Variants in ZCCHC10 observed in about 807,000 individuals in gnomAD.
ZCCHC10 encodes the protein zinc finger CCHC-type containing 10, also known as zinc finger CCHC domain-containing protein 10.
ZCCHC10 carries 16 observed loss-of-function variants against 19.5 expected under a neutral mutation model. The ratio of observed to expected loss-of-function variants is 0.82; its 90% confidence interval spans 0.56 to 1.25. The LOEUF (loss-of-function observed/expected upper bound fraction) is 1.25. Among genes scored for constraint, ZCCHC10 ranks in the 50% most tolerant of loss-of-function variants. The pLI is 0.00. For synonymous variants in ZCCHC10, 67 were observed against 72.5 expected (o/e 0.92, Z 0.38); for missense variants, 197 against 201.0 (o/e 0.98, Z 0.12).
chr5:133,021,162 C>T (rs1337472123), intron 2 of ZCCHC10, among the ~76,000 whole-genome samples: 2 of 152,118 alleles, frequency 1.3e-5, no homozygotes, highest in Admixed American at 1.3e-4. Flanking sequence ...TCCCAAAGTG[C>T]TGGATTACAG....
chr5:133,026,362 GC>G (rs1764712567), intron 1 of ZCCHC10, 134 bp downstream of exon 1: 6 of 1,279,052 alleles, frequency 4.7e-6, no homozygotes, highest in East Asian at 2.5e-5. Flanking sequence ...CCGGGCCCGA[GC>G]CCCCCGGGAG....
intron 2 of ZCCHC10, among the ~76,000 whole-genome samples, chr5:133,007,678 C>T (rs1374939563): frequency 1.3e-5 from 2 of 152,144 alleles, no homozygotes; most frequent in South Asian, 4.1e-4. Flanking sequence ...CCCAGACATG[C>T]TGAACTGTGA....
At chr5:133,021,899 T>C (rs1764337378) in intron 2 of ZCCHC10, among the ~76,000 whole-genome samples, 1 of 151,946 alleles carries the variant, frequency 6.6e-6, no homozygotes, top group African/African-American at 2.4e-5. Context: ...GTTATAGTGA[T>C]TCTCCTGCCT....
intron 3 of ZCCHC10, among the ~76,000 whole-genome samples, chr5:133,002,661 T>C (rs750456429): frequency 3.9e-5 from 6 of 152,158 alleles, no homozygotes; most frequent in East Asian, 1.9e-4. Flanking sequence ...TATAAAAAGT[T>C]CTACAATAAT....
intron 2 of ZCCHC10, among the ~76,000 whole-genome samples, chr5:133,012,136 C>G (rs1763584516): frequency 1.3e-5 from 1 of 74,878 alleles, no homozygotes; most frequent in Non-Finnish European, 2.4e-5. Flanking sequence ...GCCTCCATCT[C>G]AAAAAAAAAA....
intron 1 of ZCCHC10, among the ~76,000 whole-genome samples, chr5:133,026,073 G>A (rs1764683132): frequency 6.6e-6 from 1 of 152,228 alleles, no homozygotes; most frequent in South Asian, 2.1e-4. Context: ...GAAGGCGCTA[G>A]AATAAGGAAG....
chr5:133,022,813 G>A, intron 2 of ZCCHC10, 28 bp downstream of exon 2: 1 of 529,386 alleles, frequency 1.9e-6, no homozygotes, highest in South Asian at 2.7e-5. Context: ...TATCAAACCT[G>A]CAGTTGACAC....
At chr5:133,013,593 G>A (rs970632358) in intron 2 of ZCCHC10, among the ~76,000 whole-genome samples, 3 of 150,218 alleles carry the variant, frequency 2.0e-5, no homozygotes, top group African/African-American at 4.9e-5. Flanking sequence ...ATGGTGGTGC[G>A]CGCCTGTAGT....
intron 4 of ZCCHC10, among the ~76,000 whole-genome samples, chr5:132,999,229 G>A (rs980058652): frequency 6.6e-6 from 1 of 152,018 alleles, no homozygotes; most frequent in South Asian, 2.1e-4. Context: ...AGCCAAAAGC[G>A]ATTTCATATG....
chr5:133,018,688 G>A (rs538283093), intron 2 of ZCCHC10, among the ~76,000 whole-genome samples: 94 of 152,262 alleles, frequency 6.2e-4, no homozygotes, highest in African/African-American at 2.2e-3. Context: ...GATTACAGGC[G>A]TGAGCCACCA....
intron 2 of ZCCHC10, among the ~76,000 whole-genome samples, chr5:133,014,113 A>C (rs539433371): frequency 1.2e-3 from 183 of 151,868 alleles, no homozygotes; most frequent in Non-Finnish European, 2.1e-3. Context: ...TATATCAATC[A>C]AAATCAAGAA....
rs1224245762 is a variant in ZCCHC10 at position 133,006,830 on chromosome 5, A to C, written c.198T>G (p.His66Gln). 6 of 1,612,534 alleles carry C rather than the reference A, an allele frequency of 3.7e-6. No individual in the cohort carries two copies. Among genetic ancestry groups the C allele is most frequent in the Admixed American group, 1.7e-5 (1 of 59,928 alleles). Residue 66 changes from histidine (H) to glutamine (Q), a missense_variant, in exon 3 of 5, where the codon CAT becomes CAG. Physicochemically the swap from His to Gln is conservative, Grantham distance 24 (BLOSUM62 0). Coordinates refer to ENST00000509437, the MANE Select transcript of ZCCHC10 (RefSeq NM_001300816.3). Reference sequence around the variant, plus strand: ...TTAGTTCTGCTGTCCTTGAGGGCCTATGTAGGTATTTTCTTTTTCCTGTGC... The same window carrying C: ...TTAGTTCTGCTGTCCTTGAGGGCCTCTGTAGGTATTTTCTTTTTCCTGTGC... ...YECTGKRKYLHRPSRTAELKK... is the reference protein window; with the variant it reads ...YECTGKRKYLQRPSRTAELKK...
At position 132,998,395 on chromosome 5, in the gene ZCCHC10, AAAT is replaced by A; in HGVS notation, c.*185_*187del. On this transcript the variant is annotated 3_prime_UTR_variant, in exon 5 of 5. Transcript: ENST00000509437. ...ATAAAAAAAACAAGATTCACCCTTC[AAAT>A]AAAAGTCTCTCTCTATAAGCCATTA... 3.8e-6 allele frequency: 2 copies of A among 531,760 alleles called. No homozygotes were observed. Among genetic ancestry groups the A allele is most frequent in the South Asian group, 5.7e-5 (2 of 35,378 alleles). The allele number at this position is 531,760 out of a possible 1,614,324, so 32.9% of individuals were successfully genotyped here. A position where few individuals can be genotyped will look rare whatever the true frequency, so the allele number is the denominator to read the frequency against.
rs3087646 is a variant in ZCCHC10, at chr5:132,998,560, A to G, written c.*23T>C. On this transcript the variant is annotated 3_prime_UTR_variant, in exon 5 of 5. Transcript: ENST00000509437. The stretch of plus-strand genomic sequence containing the variant: ...ATCACATCAATGTTTTCAGTCCATC[A>G]GTCCAATATGAATGGAGCAACTCTA... 448,422 of 1,593,952 alleles carry G rather than the reference A, an allele frequency of 0.28. 67,476 individuals are homozygous for G. The highest frequency in any genetic ancestry group is 0.56 in the African/African-American group (41,797 of 74,528).
In ZCCHC10 at chr5:133,011,604, C is replaced by T. The variant is rs944531307; in HGVS notation, c.108-4684G>A. The T allele has an allele frequency of 5.2e-5, 6 of 115,984 alleles. No individual in the cohort carries two copies. In the Admixed American group the frequency reaches 5.7e-4, roughly 11 times the overall value. 7.2% of individuals were successfully genotyped at this position (115,984 alleles called of 1,614,324 possible). On this transcript the variant is annotated intron_variant, in intron 2 of 4. Coordinates refer to ENST00000509437, the MANE Select transcript of ZCCHC10 (RefSeq NM_001300816.3). ...TCATACCACTGCACTCCAGCCTGGG[C>T]AATACAGTGAGACTCCATCTAAAAA...
rs570055984 is a variant in ZCCHC10 at position 132,999,230 on chromosome 5, A to G, written c.312-380T>C. Among the ~76,000 whole-genome samples the G allele has an allele frequency of 3.8e-4, 58 of 152,142 alleles. 1 individual carries two copies. Among genetic ancestry groups the G allele is most frequent in the African/African-American group, 1.3e-3 (56 of 41,490 alleles). On this transcript the variant is annotated intron_variant, in intron 4 of 4. Coordinates refer to ENST00000509437, the MANE Select transcript of ZCCHC10 (RefSeq NM_001300816.3). Reference sequence around the variant, plus strand: ...GAGCCACCGCGCCCAGCCAAAAGCGATTTCATATGATTCCATATATATGCT... The same window carrying G: ...GAGCCACCGCGCCCAGCCAAAAGCGGTTTCATATGATTCCATATATATGCT...
At chr5:133,014,006 A>G (rs1763749818) in intron 2 of ZCCHC10, among the ~76,000 whole-genome samples, 3 of 152,070 alleles carry the variant, frequency 2.0e-5, no homozygotes, top group Non-Finnish European at 2.9e-5. Flanking sequence ...GTTTCAAATA[A>G]TTATTTTTCC....
chr5:133,006,750 T>C lies in ZCCHC10; in HGVS notation c.269+9A>G, dbSNP rs1482463259. The stretch of plus-strand genomic sequence containing the variant: ...AAAATATTCCTTTGGATACCACATG[T>C]AAACCTACCTTTGTTGCAATAATAA... On this transcript the variant is annotated intron_variant, in intron 3 of 4. Coordinates refer to ENST00000509437, the MANE Select transcript of ZCCHC10 (RefSeq NM_001300816.3). 3.1e-6 allele frequency: 5 copies of C among 1,597,454 alleles called. No individual in the cohort carries two copies.
Position 133,015,329 on chromosome 5 carries a change from T to C in ZCCHC10, c.107+7512A>G, listed in dbSNP as rs189955638. Among the ~76,000 whole-genome samples, 3 of 152,230 alleles carry C rather than the reference T, an allele frequency of 2.0e-5. No individual in the cohort carries two copies. The East Asian group carries it at 5.8e-4, about 29-fold the overall frequency. On this transcript the variant is annotated intron_variant, in intron 2 of 4. Coordinates refer to ENST00000509437, the MANE Select transcript of ZCCHC10 (RefSeq NM_001300816.3). ...CCTAACCTCAAGTGATCTGGCTGACTTGGCCTCCCAAAGTGCTGGGATTAC... is the reference window on the plus strand; with the variant it reads ...CCTAACCTCAAGTGATCTGGCTGACCTGGCCTCCCAAAGTGCTGGGATTAC...
Sources: allele counts gnomAD v4.1 joint callset (sites outside exome capture counted in the v4.1 genomes callset), GRCh38; gene constraint gnomAD v4.1.1; transcripts MANE v1.5; gene names NCBI Gene and HGNC (gene_info 2026-07-23, HGNC 2026-07-21).